ASIC2: variants seen among roughly 807,000 people sequenced by gnomAD.
ASIC2 encodes acid-sensing ion channel 2.
Under a neutral mutation model 57.3 loss-of-function variants are expected in ASIC2, and 25 were observed. The observed-to-expected ratio is 0.44, with a 90% CI of 0.32 to 0.61. The LOEUF (loss-of-function observed/expected upper bound fraction) is 0.61, where lower values mean the gene tolerates loss of function less well. Among genes scored for constraint, ASIC2 ranks in the 20% least tolerant of loss-of-function variants. ASIC2 has a pLI of 0.06. For missense variants in ASIC2, 641 were observed against 738.1 expected, an observed-to-expected ratio of 0.87 and a Z score of 1.52; for synonymous variants, 319 against 307.5, an observed-to-expected ratio of 1.04 and a Z score of -0.39.
chr17:33,858,848 G>T (rs1422593743), intron 1 of ASIC2, among the ~76,000 whole-genome samples: 1 of 152,228 alleles, frequency 6.6e-6, no homozygotes, highest in Non-Finnish European at 1.5e-5. Context: ...TGTGTACTGT[G>T]GTTGTAGGGA....
At chr17:33,663,012 G>A (rs1225892377) in intron 1 of ASIC2, among the ~76,000 whole-genome samples, 2 of 152,158 alleles carry the variant, frequency 1.3e-5, no homozygotes, top group Non-Finnish European at 2.9e-5. Flanking sequence ...CTTGTTAGGT[G>A]ACACCAGGCA....
At chr17:33,156,452 T>A (rs1187391670) in intron 1 of ASIC2, among the ~76,000 whole-genome samples, 1 of 152,026 alleles carries the variant, frequency 6.6e-6, no homozygotes, top group Non-Finnish European at 1.5e-5. Flanking sequence ...GATCAGCTTT[T>A]AAAAATAATC....
intron 1 of ASIC2, among the ~76,000 whole-genome samples, chr17:33,245,441 C>T (rs1441733167): frequency 6.6e-6 from 1 of 152,146 alleles, no homozygotes; most frequent in Non-Finnish European, 1.5e-5. Flanking sequence ...ATCCACTGAG[C>T]CCCGGGCACT....
intron 1 of ASIC2, among the ~76,000 whole-genome samples, chr17:33,658,478 C>T (rs959738403): frequency 1.3e-5 from 2 of 152,178 alleles, no homozygotes; most frequent in African/African-American, 4.8e-5. Context: ...TCTCTTGGGG[C>T]TCCTCATACT....
intron 1 of ASIC2, among the ~76,000 whole-genome samples, chr17:33,629,527 A>G (rs1258552368): frequency 6.6e-6 from 1 of 152,210 alleles, no homozygotes; most frequent in African/African-American, 2.4e-5. Context: ...GGTTGCGTTA[A>G]TACAAGTATT....
At chr17:34,119,566 C>A (rs1911533963) in intron 1 of ASIC2, among the ~76,000 whole-genome samples, 1 of 151,906 alleles carries the variant, frequency 6.6e-6, no homozygotes, top group Non-Finnish European at 1.5e-5. Flanking sequence ...TCTTCAAAGT[C>A]CAGCTCTAAA....
At chr17:33,250,759 G>T (rs1007591419) in intron 1 of ASIC2, among the ~76,000 whole-genome samples, 1 of 152,126 alleles carries the variant, frequency 6.6e-6, no homozygotes, top group Non-Finnish European at 1.5e-5. Flanking sequence ...GGGCACTGAG[G>T]CTTCCTTATC....
intron 1 of ASIC2, among the ~76,000 whole-genome samples, chr17:33,894,823 T>C (rs1215089237): frequency 6.6e-6 from 1 of 152,174 alleles, no homozygotes; most frequent in Non-Finnish European, 1.5e-5. Context: ...CCCAGCAGTC[T>C]ACAAAGGAAT....
intron 1 of ASIC2, among the ~76,000 whole-genome samples, chr17:33,526,717 A>G (rs1347351): frequency 0.62 from 94,253 of 151,798 alleles, 30,063 homozygotes; most frequent in African/African-American, 0.77. Context: ...CTTGCCTAGC[A>G]TCTGAGAGAT....
intron 1 of ASIC2, among the ~76,000 whole-genome samples, chr17:33,315,374 A>C (rs8081703): frequency 0.011 from 1,713 of 152,372 alleles, 32 homozygotes; most frequent in African/African-American, 0.039. Context: ...ACATGAAAGA[A>C]GAATCAAGTA....
At chr17:33,989,956 T>A (rs140427024) in intron 1 of ASIC2, among the ~76,000 whole-genome samples, 77 of 152,200 alleles carry the variant, frequency 5.1e-4, no homozygotes, top group Non-Finnish European at 9.4e-4. Flanking sequence ...CCGGTGATAT[T>A]GACAAGGACA....
intron 1 of ASIC2, among the ~76,000 whole-genome samples, chr17:33,516,168 C>T (rs559406040): frequency 1.4e-4 from 21 of 151,178 alleles, no homozygotes; most frequent in Middle Eastern, 3.4e-3. Context: ...GAACGCAGAG[C>T]GCAGTGTCCA....
chr17:33,079,541 G>A (rs968896199), intron 3 of ASIC2, among the ~76,000 whole-genome samples: 4 of 152,270 alleles, frequency 2.6e-5, no homozygotes, highest in African/African-American at 9.6e-5. Context: ...ACTTCATCCT[G>A]TGGTTCATGA....
At chr17:33,288,873 T>C (rs140525193) in intron 1 of ASIC2, among the ~76,000 whole-genome samples, 69 of 152,304 alleles carry the variant, frequency 4.5e-4, no homozygotes, top group African/African-American at 1.4e-3. Flanking sequence ...GACTCAGAAT[T>C]TGAGCCCAGT....
intron 1 of ASIC2, among the ~76,000 whole-genome samples, chr17:33,234,354 CCTGGCTGGG>C (rs1239490194): frequency 1.3e-5 from 2 of 152,142 alleles, no homozygotes; most frequent in Non-Finnish European, 2.9e-5. Flanking sequence ...GATATGTGGC[CCTGGCTGGG>C]CCCCTGCAGA....
At chr17:33,498,437 G>GTGT (rs1355987235) in intron 1 of ASIC2, among the ~76,000 whole-genome samples, 3 of 152,250 alleles carry the variant, frequency 2.0e-5, no homozygotes, top group African/African-American at 7.2e-5. Context: ...GGGTGAGTGA[G>GTGT]TGTTATGCCC....
At chr17:33,476,546 T>G (rs9901442) in intron 1 of ASIC2, among the ~76,000 whole-genome samples, 24 of 6,010 alleles carry the variant, frequency 4.0e-3, no homozygotes, top group African/African-American at 0.015. Flanking sequence ...TGTACAGGGG[T>G]GTGTGTGTGT....
chr17:33,736,046 A>G (rs1909900322), intron 1 of ASIC2, among the ~76,000 whole-genome samples: 1 of 152,108 alleles, frequency 6.6e-6, no homozygotes, highest in South Asian at 2.1e-4. Flanking sequence ...TGTCCAGAAC[A>G]TTTCTTGGAA....
intron 1 of ASIC2, among the ~76,000 whole-genome samples, chr17:33,302,162 T>C (rs535090448): frequency 1.3e-5 from 2 of 152,220 alleles, no homozygotes; most frequent in African/African-American, 4.8e-5. Context: ...CAGCATTGGC[T>C]GTGGTCATAA....
Sources: allele counts gnomAD v4.1 joint callset (sites outside exome capture counted in the v4.1 genomes callset), GRCh38; gene constraint gnomAD v4.1.1; transcripts MANE v1.5; gene names NCBI Gene and HGNC (gene_info 2026-07-23, HGNC 2026-07-21).